The following RGL2 variants were observed in gnomAD, a reference collection of about 807,000 sequenced individuals.
RGL2 encodes ral guanine nucleotide dissociation stimulator like 2.
In RGL2, 40 loss-of-function variants were observed where a neutral mutation model predicts 84.6. The ratio of observed to expected loss-of-function variants is 0.47; its 90% CI spans 0.37 to 0.62. The LOEUF is 0.62. RGL2 is among the 20% of genes least tolerant of loss of function. RGL2 has a pLI of 0.00. For missense variants in RGL2, 865 were observed against 1,019.7 expected, an observed-to-expected ratio of 0.85 and a Z score of 2.07; for synonymous variants, 369 against 417.3, an observed-to-expected ratio of 0.88 and a Z score of 1.41.
Position 33,292,264 on chromosome 6 carries a change from A to G in RGL2, c.2172T>C (p.Ala724=). The G allele has an allele frequency of 6.2e-7, 1 of 1,614,216 alleles. No individual in the cohort carries two copies. Among genetic ancestry groups the G allele is most frequent in the South Asian group, 1.1e-5 (1 of 91,088 alleles). The change falls in exon 18 of 18, where the codon GCT becomes GCC. Residue 724 remains alanine, a synonymous_variant. Coordinates refer to ENST00000497454, the MANE Select transcript of RGL2 (RefSeq NM_004761.5). ...GCTGCCGCAGGAGGAAATCGTGTGA[A>G]GCTCCATCCATGGCGTAGAATACAT... The part of the protein sequence containing the change: ...SANVFYAMDG[A]SHDFLLRQRR...
Position 33,294,041 on chromosome 6 carries a change from C to T in RGL2, c.1379G>A (p.Arg460Gln), listed in dbSNP as rs768952150. Reference protein sequence around the residue: ...LENGYINFDKRRKEFAVLSEL... With the variant: ...LENGYINFDKQRKEFAVLSEL... ...CCCAGACACTCCGCTCACCTTCCTCCGCTTGTCAAAATTGATGTATCCATT... is the reference window on the plus strand; with the variant it reads ...CCCAGACACTCCGCTCACCTTCCTCTGCTTGTCAAAATTGATGTATCCATT... Residue 460 changes from arginine to glutamine, a missense_variant, in exon 12 of 18, where the codon CGG (arginine) becomes CAG (glutamine). Coordinates refer to ENST00000497454, the MANE Select transcript of RGL2 (RefSeq NM_004761.5). The surrounding 1 kb of genome is among the most constrained non-coding windows in gnomAD (Gnocchi z 5.0). The T allele has an allele frequency of 5.6e-6, 9 of 1,613,502 alleles. No homozygotes were observed. The highest frequency in any genetic ancestry group is 2.2e-5 in the East Asian group (1 of 44,844).
In RGL2 at chr6:33,291,942, T is replaced by C. The variant is rs1767428329; in HGVS notation, c.*160A>G. ...GACACCAGTTCCCACAGGGCTGGAT[T>C]TCTCAGCTGTCTGGTAAACCAGTGG... On this transcript the variant is annotated 3_prime_UTR_variant, in exon 18 of 18. Transcript: ENST00000497454. The C allele has an allele frequency of 1.4e-6, 1 of 740,668 alleles. No homozygotes were observed. The highest frequency in any genetic ancestry group is 2.2e-6 in the Non-Finnish European group (1 of 448,570). 45.9% of individuals were successfully genotyped at this position (740,668 alleles called of 1,614,324 possible). A position where few individuals can be genotyped will look rare whatever the true frequency, so the allele number is the denominator to read the frequency against.
At position 33,295,674 on chromosome 6, in the gene RGL2, G is replaced by T. The variant is rs763490782; in HGVS notation, c.854C>A (p.Pro285Gln). Residue 285 changes from proline (P) to glutamine (Q), a missense_variant, in exon 7 of 18, where the codon CCA becomes CAA. Transcript: ENST00000497454. The surrounding 1 kb of genome is among the most constrained non-coding windows in gnomAD (Gnocchi z 7.2). The stretch of plus-strand genomic sequence containing the variant: ...CTGTGTGACAGTAGCTCGGACAGAT[G>T]GGCAGAGGTGAGAATGTCCTGGCCG... ...RDRPGHSHLCPSVRATVTQFN... is the reference protein window; with the variant it reads ...RDRPGHSHLCQSVRATVTQFN... 7 of 1,613,746 alleles carry T rather than the reference G, an allele frequency of 4.3e-6. No individual in the cohort carries two copies. The African/African-American group carries it at 9.3e-5, about 22-fold the overall frequency.
At position 33,298,345 on chromosome 6, in the gene RGL2, C is replaced by T; in HGVS notation, c.156+110G>A. ...AGAAACGGGCCGACACCCAGGGAGG[C>T]GCGAGAATAACTGAGGCAAGGAGGA... On this transcript the variant is annotated intron_variant, in intron 2 of 17. Transcript: ENST00000497454. The surrounding 1 kb of genome is among the most constrained non-coding windows in gnomAD (Gnocchi z 4.8). 1 of 621,884 alleles carries T rather than the reference C, an allele frequency of 1.6e-6. No individual in the cohort carries two copies. The highest frequency in any genetic ancestry group is 2.8e-6 in the Non-Finnish European group (1 of 363,424). The allele number at this position is 621,884 out of a possible 1,614,324, so 38.5% of individuals were successfully genotyped here.
rs1768105275 is a variant in RGL2 at position 33,297,573 on chromosome 6, T to C, written c.157-458A>G. 1 of 165,106 alleles carries C rather than the reference T, an allele frequency of 6.1e-6. No individual in the cohort carries two copies. The highest frequency in any genetic ancestry group is 2.4e-5 in the African/African-American group (1 of 41,814). 10.2% of individuals were successfully genotyped at this position (165,106 alleles called of 1,614,324 possible). A position where few individuals can be genotyped will look rare whatever the true frequency, so the allele number is the denominator to read the frequency against. Reference sequence around the variant, plus strand: ...CCAAGGACTATACCAGCCCAGAGAATTAGTCTTTTTCAGGACCCCTTTCAC... The same window carrying C: ...CCAAGGACTATACCAGCCCAGAGAACTAGTCTTTTTCAGGACCCCTTTCAC... On this transcript the variant is annotated intron_variant, in intron 2 of 17. Coordinates refer to ENST00000497454, the MANE Select transcript of RGL2 (RefSeq NM_004761.5). The surrounding 1 kb of genome is among the most constrained non-coding windows in gnomAD (Gnocchi z 4.0).
rs1334278593 is a variant in RGL2, at chr6:33,295,624, C to T, written c.904G>A (p.Val302Ile). Residue 302 changes from valine (V) to isoleucine (I), a missense_variant, in exon 7 of 18, where the codon GTT (valine) becomes ATT (isoleucine). Coordinates refer to ENST00000497454, the MANE Select transcript of RGL2 (RefSeq NM_004761.5). The surrounding 1 kb of genome is among the most constrained non-coding windows in gnomAD (Gnocchi z 7.2). ...TQFNKVAGAV[V>I]SSVLGATSTG... ...GAAGTAGCCCCCAGGACAGAACTAA[C>T]CACTGCCCCTGCCACCTTGTTAAAC... 5.6e-6 allele frequency: 9 copies of T among 1,613,904 alleles called. No homozygotes were observed. Among genetic ancestry groups the T allele is most frequent in the East Asian group, 2.2e-5 (1 of 44,906 alleles).
Position 33,294,669 on chromosome 6 carries a change from A to G in RGL2, c.1353+19T>C, listed in dbSNP as rs1237187831. The stretch of plus-strand genomic sequence containing the variant: ...CCACTTGTTACATCATTGCAATGAC[A>G]CACACACACACCACTGACCTCCAAC... On this transcript the variant is annotated intron_variant, in intron 11 of 17. Coordinates refer to ENST00000497454, the MANE Select transcript of RGL2 (RefSeq NM_004761.5). This position sits in a 1 kb window ranked among gnomAD's most constrained non-coding sequence, Gnocchi z 5.0. The G allele has an allele frequency of 6.2e-7, 1 of 1,612,542 alleles. No homozygotes were observed. Among genetic ancestry groups the G allele is most frequent in the East Asian group, 2.2e-5 (1 of 44,844 alleles).
At position 33,296,296 on chromosome 6, in the gene RGL2, A is replaced by T; in HGVS notation, c.500T>A (p.Leu167Gln). Reference protein sequence around the residue: ...EVAISVLSTWLASHPEDFGSE... With the variant: ...EVAISVLSTWQASHPEDFGSE... ...GCCAAAATCCTCAGGGTGAGAGGCC[A>T]GCCAGGTTGACAGTACAGAGATGGC... Residue 167 changes from leucine (L) to glutamine (Q), a missense_variant, in exon 6 of 18, where the codon CTG (leucine) becomes CAG (glutamine). Leu to Gln is a moderately radical substitution (Grantham distance 113). This residue lies in a region of RGL2 where 455 missense variants were observed against 507.8 expected (regional missense o/e 0.90). Coordinates refer to ENST00000497454, the MANE Select transcript of RGL2 (RefSeq NM_004761.5). This position sits in a 1 kb window ranked among gnomAD's most constrained non-coding sequence, Gnocchi z 5.0. 6.2e-7 allele frequency: 1 copy of T among 1,613,344 alleles called. No homozygotes were observed. The highest frequency in any genetic ancestry group is 1.1e-5 in the South Asian group (1 of 90,996).
Position 33,295,421 on chromosome 6 carries a change from T to C in RGL2, c.1022A>G (p.Glu341Gly). The C allele has an allele frequency of 1.9e-6, 3 of 1,612,714 alleles. No homozygotes were observed. Among genetic ancestry groups the C allele is most frequent in the Non-Finnish European group, 2.5e-6 (3 of 1,179,910 alleles). Residue 341 changes from glutamate (E) to glycine (G), a missense_variant and splice_region_variant, in exon 8 of 18, where the codon GAG becomes GGG. Glu to Gly is a moderately conservative substitution (Grantham distance 98). This residue lies in a region of RGL2 where 455 missense variants were observed against 507.8 expected (regional missense o/e 0.90). Transcript: ENST00000497454. The surrounding 1 kb of genome is among the most constrained non-coding windows in gnomAD (Gnocchi z 7.2). ...AGAGAAGTTTCGGAGCAGCCGGCAC[T>C]CCTGTGGGGGTCAAAGAAGAGAGCT... ...LLEKWIRVAEECRLLRNFSSV... is the reference protein window; with the variant it reads ...LLEKWIRVAEGCRLLRNFSSV...
rs1397450277 is a variant in RGL2, at chr6:33,295,034, C to A, written c.1221G>T (p.Leu407=). ...TGGAGTGTGGCTCCAGAGGAGACTGCAGCTTCACCTCCTGGTGGTGACAAA... is the reference window on the plus strand; with the variant it reads ...TGGAGTGTGGCTCCAGAGGAGACTGAAGCTTCACCTCCTGGTGGTGACAAA... ...SRELLVQEVK[L]QSPLEPHSKK... The change falls in exon 10 of 18, where the codon CTG becomes CTT. Residue 407 remains leucine, a synonymous_variant. Transcript: ENST00000497454. The surrounding 1 kb of genome is among the most constrained non-coding windows in gnomAD (Gnocchi z 7.2). 15 of 1,581,070 alleles carry A rather than the reference C, an allele frequency of 9.5e-6. No homozygotes were observed. The highest frequency in any genetic ancestry group is 1.2e-5 in the Non-Finnish European group (14 of 1,162,580).
In RGL2 at chr6:33,293,033, C is replaced by T. The variant is rs1178496550; in HGVS notation, c.1990G>A (p.Val664Ile). The T allele has an allele frequency of 3.7e-6, 6 of 1,614,160 alleles. No homozygotes were observed. Among genetic ancestry groups the T allele is most frequent in the Admixed American group, 1.7e-5 (1 of 60,024 alleles). The part of the protein sequence containing the change: ...VQMELGEDGS[V>I]YKSILVTSQD... ...TCCCTCACCAAAATGCTCTTATAGA[C>T]ACTGCCATCTTCCCCCAACTCCATC... The change falls in exon 16 of 18, where the codon GTC becomes ATC. Residue 664 changes from valine (V) to isoleucine (I), a missense_variant. Val to Ile is a conservative substitution (Grantham distance 29). Transcript: ENST00000497454. This position sits in a 1 kb window ranked among gnomAD's most constrained non-coding sequence, Gnocchi z 7.0.
upstream of RGL2, chr6:33,301,553 G>A (rs111268855): frequency 2.3e-4 from 137 of 587,182 alleles, no homozygotes; most frequent in African/African-American, 2.0e-3. Flanking sequence ...CAGCCTGGGC[G>A]GAAGAGTGAG....
At chr6:33,299,309 G>A (rs942877134), upstream of RGL2, 2 of 152,242 alleles carry the variant, frequency 1.3e-5, no homozygotes, top group African/African-American at 4.8e-5. This position sits in a 1 kb window ranked among gnomAD's most constrained non-coding sequence, Gnocchi z 5.0. Flanking sequence ...AGCGTTTCAG[G>A]CGGAGAGAGA....
chr6:33,301,581 A>G (rs1303547124), upstream of RGL2: 17 of 618,584 alleles, frequency 2.7e-5, no homozygotes, highest in East Asian at 4.0e-4. Context: ...CTCAAAAAAA[A>G]AAAAAAAAGA....
Position 33,296,037 on chromosome 6 carries a change from C to G in RGL2, c.759G>C (p.Leu253=). The G allele has an allele frequency of 6.2e-7, 1 of 1,613,788 alleles. No homozygotes were observed. Among genetic ancestry groups the G allele is most frequent in the Non-Finnish European group, 8.5e-7 (1 of 1,179,988 alleles). The change falls in exon 6 of 18, where the codon CTG becomes CTC. Residue 253 remains leucine (L), a synonymous_variant. Coordinates refer to ENST00000497454, the MANE Select transcript of RGL2 (RefSeq NM_004761.5). This position sits in a 1 kb window ranked among gnomAD's most constrained non-coding sequence, Gnocchi z 5.0. ...LADHLAEQLT[L]LDAELFLNLI... ...GAGGTCAGGGTCTCACCGCATCTAGCAGGGTCAGCTGTTCGGCCAAGTGGT... is the reference window on the plus strand; with the variant it reads ...GAGGTCAGGGTCTCACCGCATCTAGGAGGGTCAGCTGTTCGGCCAAGTGGT...
At position 33,295,736 on chromosome 6, in the gene RGL2, G is replaced by A; in HGVS notation, c.792C>T (p.Pro264=). Reference sequence around the variant, plus strand: ...CCCACAGGCCTCCCAGGCACTGAGAGGGGATCAAATTGAGAAAAAGTTCCT... The same window carrying A: ...CCCACAGGCCTCCCAGGCACTGAGAAGGGATCAAATTGAGAAAAAGTTCCT... ...LDAELFLNLI[P]SQCLGGLWGH... is the part of the protein sequence containing the mutation. Residue 264 remains proline (P), a synonymous_variant, in exon 7 of 18, where the codon CCC becomes CCT. Transcript: ENST00000497454. This position sits in a 1 kb window ranked among gnomAD's most constrained non-coding sequence, Gnocchi z 7.2. 1 of 1,613,774 alleles carries A rather than the reference G, an allele frequency of 6.2e-7. No individual in the cohort carries two copies. The highest frequency in any genetic ancestry group is 1.1e-5 in the South Asian group (1 of 91,084).
chr6:33,296,872 T>G lies in RGL2; in HGVS notation c.241-96A>C, dbSNP rs778861653. 1 of 1,557,384 alleles carries G rather than the reference T, an allele frequency of 6.4e-7. No individual in the cohort carries two copies. The highest frequency in any genetic ancestry group is 8.9e-7 in the Non-Finnish European group (1 of 1,129,396). On this transcript the variant is annotated intron_variant, in intron 3 of 17. Transcript: ENST00000497454. The surrounding 1 kb of genome is among the most constrained non-coding windows in gnomAD (Gnocchi z 5.0). The stretch of plus-strand genomic sequence containing the variant: ...AGACCCAGGAGATGTTCCAGACTCA[T>G]TTTTCTGATATTCAGAGAGGGCAAG...
rs1767632740 is a variant in RGL2 at position 33,293,464 on chromosome 6, C to T, written c.1665G>A (p.Gly555=). The T allele has an allele frequency of 3.7e-6, 6 of 1,613,966 alleles. No homozygotes were observed. Among genetic ancestry groups the T allele is most frequent in the Admixed American group, 1.7e-5 (1 of 59,994 alleles). The part of the protein sequence containing the change: ...PLVSCDRPST[G]GDEAPTTPAP... ...CAGGAGTTGTAGGCGCCTCATCTCC[C>T]CCAGTACTGGGCCGGTCACAGGACA... The change falls in exon 15 of 18, where the codon GGG becomes GGA. Residue 555 remains glycine, a synonymous_variant. Coordinates refer to ENST00000497454, the MANE Select transcript of RGL2 (RefSeq NM_004761.5). This position sits in a 1 kb window ranked among gnomAD's most constrained non-coding sequence, Gnocchi z 7.0.
chr6:33,295,698 C>T lies in RGL2; in HGVS notation c.830G>A (p.Arg277Gln), dbSNP rs371715988. Residue 277 changes from arginine to glutamine, a missense_variant, in exon 7 of 18, where the codon CGG becomes CAG. Arg to Gln is a conservative substitution (Grantham distance 43). Around this residue, in one of 5 missense-constraint regions of RGL2, gnomAD observed 455 missense variants for 507.8 expected, o/e 0.90. Coordinates refer to ENST00000497454, the MANE Select transcript of RGL2 (RefSeq NM_004761.5). The surrounding 1 kb of genome is among the most constrained non-coding windows in gnomAD (Gnocchi z 7.2). Reference sequence around the variant, plus strand: ...TGGGCAGAGGTGAGAATGTCCTGGCCGGTCTCTGTGACCCCACAGGCCTCC... The same window carrying T: ...TGGGCAGAGGTGAGAATGTCCTGGCTGGTCTCTGTGACCCCACAGGCCTCC... ...CLGGLWGHRD[R>Q]PGHSHLCPSV... 5.6e-6 allele frequency: 9 copies of T among 1,613,784 alleles called. No individual in the cohort carries two copies. Among genetic ancestry groups the T allele is most frequent in the South Asian group, 1.1e-5 (1 of 91,076 alleles).
Sources: allele counts gnomAD v4.1 joint callset, GRCh38; gene constraint gnomAD v4.1.1; regional missense constraint gnomAD v4.1.1; non-coding constraint Gnocchi (gnomAD v3.1); transcripts MANE v1.5; gene names NCBI Gene and HGNC (gene_info 2026-07-23, HGNC 2026-07-21).